The following FAM161B variants were observed in gnomAD, a reference collection of about 807,000 sequenced individuals.
FAM161B encodes FAM161 centrosomal protein B, also known as protein FAM161B.
Under a neutral mutation model 61.5 loss-of-function variants are expected in FAM161B, and 46 were observed. The observed-to-expected ratio is 0.75, with a 90% CI of 0.59 to 0.96. FAM161B has a LOEUF of 0.96. Among genes scored for constraint, FAM161B ranks in the 40% least tolerant of loss-of-function variants. The pLI is 0.00. For synonymous variants in FAM161B, 284 were observed against 302.7 expected, an observed-to-expected ratio of 0.94 and a Z score of 0.64; for missense variants, 774 against 800.7, an observed-to-expected ratio of 0.97 and a Z score of 0.40.
chr14:73,944,256 C>T (rs567484907), intron 3 of FAM161B, 79 bp downstream of exon 3: 1 of 1,515,748 alleles, frequency 6.6e-7, no homozygotes, highest in East Asian at 2.3e-5. Context: ...CCAGGCAGAT[C>T]CCTGGGCCCT....
At chr14:73,931,581 C>G (rs2055916466), downstream of FAM161B, 2 of 1,596,264 alleles carry the variant, frequency 1.3e-6, no homozygotes, top group Admixed American at 1.7e-5. Context: ...TCTATCTGAT[C>G]TCAAAATGCG....
At chr14:73,940,354 C>T (rs2056007146) in intron 5 of FAM161B, among the ~76,000 whole-genome samples, 1 of 152,212 alleles carries the variant, frequency 6.6e-6, no homozygotes, top group South Asian at 2.1e-4. Context: ...CAATGGATGT[C>T]TCATATTTGC....
chr14:73,941,112 T>A, intron 4 of FAM161B, 59 bp from the exon 5 acceptor site: 13 of 961,428 alleles, frequency 1.4e-5, no homozygotes, highest in African/African-American at 1.6e-5. Context: ...TTCTATCTTT[T>A]TTTTTTTTTT....
At chr14:73,947,504 CATAAA>C (rs2056077440) in intron 1 of FAM161B, among the ~76,000 whole-genome samples, 1 of 151,774 alleles carries the variant, frequency 6.6e-6, no homozygotes, top group Admixed American at 6.6e-5. Flanking sequence ...TCCATTCATT[CATAAA>C]ATATTTACTG....
chr14:73,946,137 G>T, intron 2 of FAM161B, 149 bp downstream of exon 2: 1 of 791,348 alleles, frequency 1.3e-6, no homozygotes, highest in Non-Finnish European at 2.0e-6. Flanking sequence ...CACCTGTTTG[G>T]AACCAAAAGC....
chr14:73,944,143 G>GCAC (rs2056043233), intron 3 of FAM161B, among the ~76,000 whole-genome samples, 192 bp downstream of exon 3: 1 of 152,118 alleles, frequency 6.6e-6, no homozygotes, highest in African/African-American at 2.4e-5. Flanking sequence ...CTCACTCCTG[G>GCAC]CACCATACAG....
chr14:73,941,500 C>T (rs740508), intron 4 of FAM161B, among the ~76,000 whole-genome samples: 6,818 of 152,126 alleles, frequency 0.045, 525 homozygotes, highest in African/African-American at 0.16. Context: ...GGGAATAAGG[C>T]AAGGATAAAG....
rs554401629 is a variant in FAM161B at position 73,934,168 on chromosome 14, G to T, written c.*88C>A. 844 of 1,490,944 alleles carry T rather than the reference G, an allele frequency of 5.7e-4. No individual in the cohort carries two copies. The highest frequency in any genetic ancestry group is 7.2e-4 in the Non-Finnish European group (790 of 1,100,748). The allele number at this position is 1,490,944 out of a possible 1,614,324, so 92.4% of individuals were successfully genotyped here. A position where few individuals can be genotyped will look rare whatever the true frequency, so the allele number is the denominator to read the frequency against. ...TTGTCCATCCTCTAACAGTAGCCATGACTCAAAACCCAAGTTTTCCCTGCC... is the reference window on the plus strand; with the variant it reads ...TTGTCCATCCTCTAACAGTAGCCATTACTCAAAACCCAAGTTTTCCCTGCC... On this transcript the variant is annotated 3_prime_UTR_variant, in exon 9 of 9. Coordinates refer to ENST00000286544, the MANE Select transcript of FAM161B (RefSeq NM_152445.3).
chr14:73,947,116 T>C (rs1217329175), intron 1 of FAM161B, among the ~76,000 whole-genome samples: 2 of 152,186 alleles, frequency 1.3e-5, no homozygotes, highest in East Asian at 1.9e-4. Context: ...CTGGGTGCAG[T>C]GGCTCATGCC....
downstream of FAM161B, chr14:73,927,992 C>A: frequency 5.8e-6 from 1 of 172,776 alleles, no homozygotes; most frequent in Non-Finnish European, 1.3e-5. Flanking sequence ...CGGCCACCAC[C>A]ACACCCAGCT....
At chr14:73,942,846 A>T (rs1203999924) in intron 3 of FAM161B, 131 bp from the exon 4 acceptor site, 9 of 726,020 alleles carry the variant, frequency 1.2e-5, no homozygotes, top group Non-Finnish European at 2.0e-5. Flanking sequence ...AGGAATTCTG[A>T]CACGTTAACA....
chr14:73,926,753 T>TC (rs755338231), downstream of FAM161B, among the ~76,000 whole-genome samples: 1 of 151,968 alleles, frequency 6.6e-6, no homozygotes, highest in African/African-American at 2.4e-5. Context: ...GGAGTTTTTG[T>TC]CCTAAAGATT....
At chr14:73,926,684 C>T (rs2055838305), downstream of FAM161B, among the ~76,000 whole-genome samples, 1 of 152,196 alleles carries the variant, frequency 6.6e-6, no homozygotes, top group Non-Finnish European at 1.5e-5. Context: ...ATCCACCCAC[C>T]TCGGCCTCCC....
chr14:73,947,436 G>A (rs895800846), intron 1 of FAM161B, among the ~76,000 whole-genome samples: 20 of 150,606 alleles, frequency 1.3e-4, no homozygotes, highest in Admixed American at 1.3e-3. Flanking sequence ...AGACAGTATG[G>A]TCTGGCTGGA....
intron 6 of FAM161B, 119 bp from the exon 7 acceptor site, chr14:73,937,820 T>C: frequency 6.4e-7 from 1 of 1,550,828 alleles, no homozygotes; most frequent in Non-Finnish European, 8.8e-7. Flanking sequence ...ACTTGGAAAA[T>C]CATGACCCTG....
chr14:73,940,194 C>G (rs933672371), intron 5 of FAM161B, among the ~76,000 whole-genome samples: 3 of 152,164 alleles, frequency 2.0e-5, no homozygotes, highest in African/African-American at 4.8e-5. Flanking sequence ...AGCTCAGAAG[C>G]CTGGTGGAAG....
In FAM161B at chr14:73,950,062, G is replaced by T. The variant is rs371643448; in HGVS notation, c.-36C>A. The T allele has an allele frequency of 6.0e-5, 97 of 1,609,394 alleles. No individual in the cohort carries two copies. The African/African-American group carries it at 1.2e-3, about 20-fold the overall frequency. On this transcript the variant is annotated 5_prime_UTR_variant, in exon 1 of 9. Coordinates refer to ENST00000286544, the MANE Select transcript of FAM161B (RefSeq NM_152445.3). ...CAGAGGCAGCAGCGACAGTGACAGC[G>T]ATAGTGGCAGCAGCGGTGGCAGCGA...
At chr14:73,926,852 T>G (rs1056487588), downstream of FAM161B, among the ~76,000 whole-genome samples, 17 of 152,198 alleles carry the variant, frequency 1.1e-4, no homozygotes, top group African/African-American at 3.9e-4. Context: ...GTAGTTACAT[T>G]TAGAGGTTTG....
At chr14:73,924,047 T>A in the FAM161B span, among the ~76,000 whole-genome samples, 1 of 152,206 alleles carries the variant, frequency 6.6e-6, no homozygotes, top group Non-Finnish European at 1.5e-5. Context: ...TTCATTCTGC[T>A]ATGGTCATAT....
Sources: gnomAD v4.1 joint callset for allele counts (sites outside exome capture counted in the v4.1 genomes callset) on GRCh38, gnomAD v4.1.1 for gene constraint, MANE v1.5 for transcripts, NCBI Gene and HGNC (gene_info 2026-07-23, HGNC 2026-07-21) for gene names.